N4BP2: variants seen among roughly 807,000 people sequenced by gnomAD.
The protein encoded by N4BP2 is NEDD4-binding protein 2.
N4BP2 carries 91 observed loss-of-function variants against 152.8 expected under a neutral mutation model. The ratio of observed to expected loss-of-function variants is 0.60; its 90% CI spans 0.50 to 0.71. N4BP2 has a LOEUF of 0.71. Ranked by LOEUF, N4BP2 falls within the 30% of genes least tolerant of loss-of-function variation. The pLI, the probability that N4BP2 is intolerant of heterozygous loss-of-function variation, is 0.00. For synonymous variants in N4BP2, 646 were observed against 705.3 expected (o/e 0.92, Z 1.33); for missense variants, 1,923 against 2,059.1 (o/e 0.93, Z 1.28).
chr4:40,058,963 G>A (rs891282265), intron 1 of N4BP2, among the ~76,000 whole-genome samples: 8 of 152,072 alleles, frequency 5.3e-5, no homozygotes, highest in South Asian at 2.1e-4. Context: ...TGGGACTAGA[G>A]GCGAAAGCCA....
chr4:40,123,903 C>T (rs1240615343), intron 10 of N4BP2, among the ~76,000 whole-genome samples: 1 of 149,208 alleles, frequency 6.7e-6, no homozygotes, highest in African/African-American at 2.4e-5. Flanking sequence ...AAATTTTTTT[C>T]AGACCATTCT....
At chr4:40,148,844 A>G (rs957178424) in intron 16 of N4BP2, among the ~76,000 whole-genome samples, 18 of 152,104 alleles carry the variant, frequency 1.2e-4, no homozygotes, top group Admixed American at 7.2e-4. Flanking sequence ...CATTGTGTCT[A>G]TATCACATTT....
chr4:40,105,274 G>A (rs1716149772), intron 4 of N4BP2, among the ~76,000 whole-genome samples: 2 of 151,958 alleles, frequency 1.3e-5, no homozygotes, highest in South Asian at 4.1e-4. Flanking sequence ...GGAGTTAAAG[G>A]AAGGAGAGAA....
rs1717710762 is a variant in N4BP2, at chr4:40,120,005, T to C, written c.1894T>C (p.Phe632Leu). The change falls in exon 9 of 18, where the codon TTC becomes CTC. Residue 632 changes from phenylalanine (F) to leucine (L), a missense_variant. Transcript: ENST00000261435. ...ILSLSLKHLE[F>L]TEEKNLDVTK... ...ATCTTTATCTTTGAAGCATCTAGAG[T>C]TCACTGAAGAGAAGAATCTTGATGT... 1 of 1,575,580 alleles carries C rather than the reference T, an allele frequency of 6.3e-7. No homozygotes were observed. The highest frequency in any genetic ancestry group is 1.4e-5 in the African/African-American group (1 of 73,442).
At chr4:40,063,215 G>C (rs1376188586) in intron 1 of N4BP2, among the ~76,000 whole-genome samples, 4 of 152,156 alleles carry the variant, frequency 2.6e-5, no homozygotes, top group African/African-American at 9.7e-5. Context: ...AATACAGCTT[G>C]AAGTAGCCTG....
intron 13 of N4BP2, among the ~76,000 whole-genome samples, chr4:40,133,912 C>G (rs1719125690): frequency 6.6e-6 from 1 of 151,996 alleles, no homozygotes; most frequent in African/African-American, 2.4e-5. Context: ...CTCAAGTGAT[C>G]CTCCCACCTC....
downstream of N4BP2, chr4:40,158,336 A>G (rs1721758170): frequency 6.6e-6 from 1 of 152,082 alleles, no homozygotes; most frequent in Non-Finnish European, 1.5e-5. Context: ...TAACTTTGTA[A>G]TTTCAGGGGG....
intron 2 of N4BP2, among the ~76,000 whole-genome samples, chr4:40,079,413 A>T (rs939056191): frequency 7.0e-6 from 1 of 142,914 alleles, no homozygotes; most frequent in African/African-American, 2.6e-5. Context: ...CACTGTGCCC[A>T]CCCTGGATGG....
chr4:40,167,407 A>G, the N4BP2 span: 5 of 152,342 alleles, frequency 3.3e-5, no homozygotes, highest in Admixed American at 3.3e-4. Flanking sequence ...CTGAATCTCA[A>G]AGTTAAAGAG....
intron 3 of N4BP2, chr4:40,099,909 CCCACCCCCG>C: frequency 7.0e-6 from 1 of 143,704 alleles, no homozygotes; most frequent in Non-Finnish European, 1.4e-5. Flanking sequence ...CCCGTCCCTG[CCCACCCCCG>C]CCACCTTTTT....
rs895190360 is a variant in N4BP2, at chr4:40,134,468, G to A, written c.4647-2476G>A. On this transcript the variant is annotated intron_variant, in intron 13 of 17. Coordinates refer to ENST00000261435, the MANE Select transcript of N4BP2 (RefSeq NM_018177.6). ...TGATTGCCTCCATTTGTCTGCCAAC[G>A]GCTGGCTGATTCTCTCAGCTAGCAG... Among the ~76,000 whole-genome samples the A allele has an allele frequency of 2.0e-5, 3 of 152,104 alleles. 1 individual carries two copies. Among genetic ancestry groups the A allele is most frequent in the Admixed American group, 1.3e-4 (2 of 15,256 alleles).
the N4BP2 span, among the ~76,000 whole-genome samples, chr4:40,165,787 C>A: frequency 2.6e-5 from 4 of 152,124 alleles, no homozygotes. Context: ...CCTCAAAGAA[C>A]TTATAGGAAA....
At position 40,121,310 on chromosome 4, in the gene N4BP2, C is replaced by G. The variant is rs1360284494; in HGVS notation, c.3199C>G (p.Pro1067Ala). ...AAAATCAGACGTTCAAGAAGCAATT[C>G]CATATAGAGTAATGTATGATAAAAG... ...NTKSDVQEAI[P>A]YRVMYDKSTF... The change falls in exon 9 of 18, where the codon CCA (proline) becomes GCA (alanine). Residue 1067 changes from proline to alanine, a missense_variant. By Grantham distance (27) the Pro-to-Ala change is conservative. Coordinates refer to ENST00000261435, the MANE Select transcript of N4BP2 (RefSeq NM_018177.6). 1.9e-6 allele frequency: 3 copies of G among 1,613,794 alleles called. No homozygotes were observed. The African/African-American group carries it at 4.0e-5, about 22-fold the overall frequency.
the N4BP2 span, among the ~76,000 whole-genome samples, chr4:40,163,924 G>T: frequency 2.0e-5 from 3 of 152,146 alleles, no homozygotes; most frequent in Non-Finnish European, 4.4e-5. Flanking sequence ...AGCAGAGCCG[G>T]GTTTCAGACT....
chr4:40,149,617 AGGCTCAGT>A (rs1560648070), intron 16 of N4BP2, among the ~76,000 whole-genome samples: 1 of 152,208 alleles, frequency 6.6e-6, no homozygotes, highest in East Asian at 1.9e-4. Context: ...AAAAGAGGCC[AGGCTCAGT>A]GGCTCATGCC....
intron 1 of N4BP2, among the ~76,000 whole-genome samples, chr4:40,068,876 T>C (rs1711836153): frequency 6.6e-6 from 1 of 152,180 alleles, no homozygotes; most frequent in African/African-American, 2.4e-5. Context: ...CTCAGCACTT[T>C]GGGAGACCGA....
At chr4:40,152,983 T>C (rs2109290233) in intron 17 of N4BP2, 80 bp downstream of exon 17, 6 of 1,447,570 alleles carry the variant, frequency 4.1e-6, no homozygotes, top group East Asian at 2.3e-5. Context: ...TATAGATTTC[T>C]GTTATTGATA....
the N4BP2 span, chr4:40,167,379 C>T: frequency 6.6e-6 from 1 of 152,296 alleles, no homozygotes; most frequent in East Asian, 1.9e-4. Context: ...TACACCTAAA[C>T]ATACTCTGAC....
chr4:40,067,498 T>G (rs1251573608), intron 1 of N4BP2, among the ~76,000 whole-genome samples: 1 of 152,040 alleles, frequency 6.6e-6, no homozygotes, highest in East Asian at 1.9e-4. Context: ...AACATGCATG[T>G]GCAAGTATCT....
Sources: gnomAD v4.1 joint callset for allele counts (sites outside exome capture counted in the v4.1 genomes callset) on GRCh38, gnomAD v4.1.1 for gene constraint, MANE v1.5 for transcripts, NCBI Gene and HGNC (gene_info 2026-07-23, HGNC 2026-07-21) for gene names.